The following PAX8 variants were observed in gnomAD, a reference collection of about 807,000 sequenced individuals.
PAX8 encodes the protein paired box 8.
PAX8 carries 15 observed loss-of-function variants against 52.4 expected under a neutral mutation model. That is an observed-to-expected ratio of 0.29 (90% CI 0.19 to 0.44). PAX8 has a LOEUF of 0.44. Among genes scored for constraint, PAX8 ranks in the 20% least tolerant of loss-of-function variants. The pLI is 1.00. For missense variants in PAX8, 554 were observed against 602.5 expected (o/e 0.92, Z 0.84); for synonymous variants, 284 against 249.7 (o/e 1.14, Z -1.29).
intron 2 of PAX8, among the ~76,000 whole-genome samples, chr2:113,256,794 G>A (rs1041524657): frequency 6.6e-6 from 1 of 152,030 alleles, no homozygotes; most frequent in Non-Finnish European, 1.5e-5. Flanking sequence ...AGAAACCCCT[G>A]CTTCACCTCT....
chr2:113,244,376 C>A, intron 4 of PAX8, 51 bp downstream of exon 4: 1 of 1,428,978 alleles, frequency 7.0e-7, no homozygotes, highest in Non-Finnish European at 9.8e-7. Context: ...TCCTGATTTC[C>A]CCAAAGCCCA....
intron 2 of PAX8, among the ~76,000 whole-genome samples, chr2:113,254,989 C>T: frequency 6.7e-6 from 1 of 149,228 alleles, no homozygotes; most frequent in Non-Finnish European, 1.5e-5. Flanking sequence ...AATATAAGTG[C>T]CTGTTGGTTA....
intron 2 of PAX8, chr2:113,268,776 T>G (rs1032685734): frequency 6.6e-6 from 1 of 152,472 alleles, no homozygotes; most frequent in African/African-American, 2.4e-5. Context: ...GACCAAGTGC[T>G]TTGCAGACAT....
chr2:113,224,837 AAT>A (rs746940802), intron 10 of PAX8, among the ~76,000 whole-genome samples: 191 of 119,800 alleles, frequency 1.6e-3, no homozygotes, highest in Middle Eastern at 3.7e-3. Context: ...AATAAAATAA[AAT>A]ATAAAATAAA....
At chr2:113,276,646 A>G (rs1038474479) in intron 2 of PAX8, 3 of 102,912 alleles carry the variant, frequency 2.9e-5, no homozygotes, top group African/African-American at 3.9e-5. Flanking sequence ...TTCTAGAATG[A>G]AAATAAGTAG....
intron 2 of PAX8, among the ~76,000 whole-genome samples, chr2:113,251,483 G>A (rs1691759966): frequency 6.6e-6 from 1 of 152,098 alleles, no homozygotes; most frequent in Admixed American, 6.5e-5. Flanking sequence ...GTATGGGGGA[G>A]GAAGACAAGA....
chr2:113,267,825 A>C (rs1446246), intron 2 of PAX8: 1 of 151,972 alleles, frequency 6.6e-6, no homozygotes, highest in Non-Finnish European at 1.5e-5. Context: ...TAGTATGTTT[A>C]TGTGTGTGAG....
chr2:113,270,507 C>T (rs886758244), intron 2 of PAX8: 9 of 152,300 alleles, frequency 5.9e-5, no homozygotes, highest in South Asian at 2.1e-4. Flanking sequence ...CCTGGCTTCA[C>T]GCTGATTTCA....
intron 9 of PAX8, among the ~76,000 whole-genome samples, chr2:113,233,097 C>G (rs1349302001): frequency 1.3e-5 from 2 of 148,342 alleles, no homozygotes; most frequent in Non-Finnish European, 3.0e-5. Flanking sequence ...CCCCTCCCTA[C>G]CCCGCATCCC....
chr2:113,241,441 G>T, intron 7 of PAX8, 110 bp downstream of exon 7: 1 of 1,055,728 alleles, frequency 9.5e-7, no homozygotes, highest in Non-Finnish European at 1.4e-6. Context: ...GGTGCCCTGA[G>T]CCCATTGATG....
At chr2:113,226,682 T>TCAC (rs1204534287) in intron 10 of PAX8, 28 of 1,105,566 alleles carry the variant, frequency 2.5e-5, no homozygotes, top group Non-Finnish European at 3.1e-5. Flanking sequence ...ATCATCATCA[T>TCAC]CATCATCATC....
At chr2:113,263,042 C>T (rs1410101495) in intron 2 of PAX8, among the ~76,000 whole-genome samples, 6 of 152,296 alleles carry the variant, frequency 3.9e-5, no homozygotes, top group Non-Finnish European at 1.5e-5. Flanking sequence ...AGGCTGCTCT[C>T]CTAGGGTAAC....
chr2:113,239,680 C>G (rs1490651366), intron 7 of PAX8: 1 of 152,166 alleles, frequency 6.6e-6, no homozygotes, highest in Non-Finnish European at 1.5e-5. Flanking sequence ...GGACCTCAGT[C>G]TCCTCATCTG....
chr2:113,245,654 G>A (rs979358339), intron 3 of PAX8, among the ~76,000 whole-genome samples: 5 of 152,098 alleles, frequency 3.3e-5, no homozygotes, highest in East Asian at 1.9e-4. Flanking sequence ...CAGATCAACC[G>A]CCTGTGTCAG....
chr2:113,227,180 G>T lies in PAX8; in HGVS notation c.1164C>A (p.Ser388=). The T allele has an allele frequency of 6.2e-7, 1 of 1,606,280 alleles. No homozygotes were observed. Among genetic ancestry groups the T allele is most frequent in the East Asian group, 2.2e-5 (1 of 44,616 alleles). Residue 388 remains serine (S), a synonymous_variant, in exon 10 of 12, where the codon TCC becomes TCA. Coordinates refer to ENST00000429538, the MANE Select transcript of PAX8 (RefSeq NM_003466.4). ...IPTSGQGSYA[S]SAIAGMVAGS... ...CTGCCACCATGCCTGCGATGGCAGA[G>T]GAGGCATAGCTGCCCTGTCCGCTGG...
chr2:113,226,723 G>T (rs147945490), intron 10 of PAX8: 1 of 1,128,002 alleles, frequency 8.9e-7, no homozygotes, highest in Non-Finnish European at 1.1e-6. Flanking sequence ...TTTACAGAAC[G>T]GGTAAACTGG....
intron 2 of PAX8, among the ~76,000 whole-genome samples, chr2:113,261,531 C>T (rs1001613901): frequency 1.3e-5 from 2 of 152,174 alleles, no homozygotes; most frequent in Non-Finnish European, 2.9e-5. Flanking sequence ...TGGGCTGCCA[C>T]GGCTTACAGA....
Position 113,218,620 on chromosome 2 carries a change from TA to T in PAX8, c.1277-12del, listed in dbSNP as rs754188072. The T allele has an allele frequency of 9.5e-4, 1,360 of 1,430,712 alleles. No homozygotes were observed. The highest frequency in any genetic ancestry group is 1.3e-3 in the South Asian group (102 of 75,888). The allele number at this position is 1,430,712 out of a possible 1,614,324, so 88.6% of individuals were successfully genotyped here. The stretch of plus-strand genomic sequence containing the variant: ...AATAATATGGGGAACCTGGACACAT[TA>T]AAAAAAAATAACAACAACACTGCTG... On this transcript the variant is annotated splice_polypyrimidine_tract_variant and intron_variant, in intron 11 of 11. Coordinates refer to ENST00000429538, the MANE Select transcript of PAX8 (RefSeq NM_003466.4).
At position 113,235,482 on chromosome 2, in the gene PAX8, C is replaced by T. The variant is rs371203693; in HGVS notation, c.999G>A (p.Gln333=). The part of the protein sequence containing the change: ...SLSSSAFLDL[Q]QVGSGVPPFN... ...AGGGCGGGACCCCGGAGCCGACTTGCTGCAGATCCAAAAAGGCGGAGCTAG... is the reference window on the plus strand; with the variant it reads ...AGGGCGGGACCCCGGAGCCGACTTGTTGCAGATCCAAAAAGGCGGAGCTAG... Residue 333 remains glutamine (Q), a synonymous_variant, in exon 9 of 12, where the codon CAG becomes CAA. Transcript: ENST00000429538. 1.9e-5 allele frequency: 31 copies of T among 1,613,586 alleles called. No homozygotes were observed. The South Asian group carries it at 3.1e-4, about 16-fold the overall frequency.
Sources: gnomAD v4.1 joint callset for allele counts (sites outside exome capture counted in the v4.1 genomes callset) on GRCh38, gnomAD v4.1.1 for gene constraint, MANE v1.5 for transcripts, NCBI Gene and HGNC (gene_info 2026-07-23, HGNC 2026-07-21) for gene names.